Variants in CCNC observed in about 807,000 individuals in gnomAD.
CCNC encodes the protein cyclin C, also known as cyclin-C.
Under a neutral mutation model 50.0 loss-of-function variants are expected in CCNC, and 19 were observed. That is an observed-to-expected ratio of 0.38 (90% confidence interval 0.27 to 0.56). CCNC has a LOEUF of 0.56. Among genes scored for constraint, CCNC ranks in the 20% least tolerant of loss-of-function variants. The pLI, the probability that CCNC is intolerant of heterozygous loss-of-function variation, is 0.72. For synonymous variants in CCNC, 93 were observed against 103.7 expected, an observed-to-expected ratio of 0.90 and a Z score of 0.63; for missense variants, 200 against 327.1, an observed-to-expected ratio of 0.61 and a Z score of 3.00.
chr6:99,545,465 C>T (rs1296178727), intron 10 of CCNC, among the ~76,000 whole-genome samples: 2 of 152,126 alleles, frequency 1.3e-5, no homozygotes, highest in African/African-American at 4.8e-5. Context: ...AGCTGATTTC[C>T]TTCCATCTGA....
chr6:99,550,877 A>G, intron 7 of CCNC, 116 bp downstream of exon 7: 1 of 444,302 alleles, frequency 2.3e-6, no homozygotes, highest in Non-Finnish European at 3.8e-6. Flanking sequence ...TTTCACCATC[A>G]CATATTAGGT....
intron 8 of CCNC, 159 bp from the exon 9 acceptor site, chr6:99,549,734 A>T: frequency 2.0e-6 from 1 of 509,638 alleles, no homozygotes; most frequent in Non-Finnish European, 3.5e-6. Flanking sequence ...AGGCAAAAGG[A>T]TGGATACATG....
intron 9 of CCNC, among the ~76,000 whole-genome samples, 180 bp from the exon 10 acceptor site, chr6:99,546,654 A>G (rs1802083011): frequency 6.6e-6 from 1 of 152,250 alleles, no homozygotes; most frequent in Admixed American, 6.5e-5. Flanking sequence ...AGAAAAAATT[A>G]CTAGATTACA....
chr6:99,543,824 A>G (rs1466944932), intron 11 of CCNC: 6 of 1,375,572 alleles, frequency 4.4e-6, no homozygotes, highest in East Asian at 2.7e-5. Flanking sequence ...GCCCTCACAT[A>G]TAACAAGCAT....
chr6:99,556,121 G>A (rs886401475), intron 5 of CCNC, among the ~76,000 whole-genome samples: 14 of 152,088 alleles, frequency 9.2e-5, no homozygotes, highest in African/African-American at 3.4e-4. Flanking sequence ...ATTTCTCATA[G>A]CACCCTGTGG....
chr6:99,568,777 G>GGGAGGTGCTGACCCTT (rs538118132), upstream of CCNC: 81 of 1,259,104 alleles, frequency 6.4e-5, 1 homozygote, highest in South Asian at 1.1e-3. Context: ...GGAGCCGGAG[G>GGGAGGTGCTGACCCTT]GGAGGTGCTG....
chr6:99,558,992 C>G (rs927256613), intron 4 of CCNC, among the ~76,000 whole-genome samples: 1 of 151,710 alleles, frequency 6.6e-6, no homozygotes, highest in African/African-American at 2.4e-5. Context: ...AATTAGAAAC[C>G]AAGCCTTAAG....
chr6:99,555,284 A>G (rs1802465694), intron 5 of CCNC, among the ~76,000 whole-genome samples: 1 of 152,180 alleles, frequency 6.6e-6, no homozygotes, highest in Non-Finnish European at 1.5e-5. Context: ...TAGTTAGACT[A>G]TTCCTTTCTC....
At chr6:99,558,008 T>A (rs972808618) in intron 5 of CCNC, 1 of 156,180 alleles carries the variant, frequency 6.4e-6, no homozygotes, top group African/African-American at 2.4e-5. Context: ...TTAAGCCACC[T>A]GTTCTGTGGC....
chr6:99,567,803 A>G lies in CCNC; in HGVS notation c.32+693T>C, dbSNP rs574620062. On this transcript the variant is annotated intron_variant, in intron 1 of 11. Transcript: ENST00000520429. ...TTTTTAATATTATTCTAGCTCTCAC[A>G]TGGTCACTGACAGAAACAAGAACTT... 2.0e-5 allele frequency among the ~76,000 whole-genome samples: 3 copies of G among 152,322 alleles called. No individual in the cohort carries two copies. In the East Asian group the frequency reaches 5.8e-4, roughly 29 times the overall value.
chr6:99,564,562 G>A (rs1183374185), intron 1 of CCNC, among the ~76,000 whole-genome samples: 1 of 151,304 alleles, frequency 6.6e-6, no homozygotes, highest in Admixed American at 6.6e-5. Context: ...TGTCTTTATT[G>A]GTCAAATACA....
chr6:99,562,619 C>T, intron 2 of CCNC: 1 of 427,898 alleles, frequency 2.3e-6, no homozygotes, highest in Non-Finnish European at 4.2e-6. Flanking sequence ...GATTAGGTAA[C>T]ACTTTCAAAT....
At chr6:99,547,568 A>G (rs930911675) in intron 9 of CCNC, among the ~76,000 whole-genome samples, 4 of 152,166 alleles carry the variant, frequency 2.6e-5, no homozygotes, top group Non-Finnish European at 5.9e-5. Context: ...GGGTTTCTCA[A>G]TCTTGGCACT....
Position 99,568,541 on chromosome 6 carries a change from C to T in CCNC, c.-14G>A. 3.1e-6 allele frequency: 5 copies of T among 1,611,540 alleles called. No individual in the cohort carries two copies. The highest frequency in any genetic ancestry group is 3.4e-6 in the Non-Finnish European group (4 of 1,178,934). On this transcript the variant is annotated 5_prime_UTR_variant, in exon 1 of 12. Coordinates refer to ENST00000520429, the MANE Select transcript of CCNC (RefSeq NM_005190.4). ...GTTCCCTGCCATGGAACACAGCTTG[C>T]CCTGATAAAAAAGCACCAGCCGGCG...
In CCNC at chr6:99,546,395, CT is replaced by C; in HGVS notation, c.677del (p.Lys226ArgfsTer5). On this transcript the variant is annotated frameshift_variant and splice_region_variant, in exon 10 of 12. Coordinates refer to ENST00000520429, the MANE Select transcript of CCNC (RefSeq NM_005190.4). LOFTEE classifies it high-confidence loss of function. ...WFAELSVDMEKILEIIRVILK... is the reference protein window; with the variant it reads ...WFAELSVDMEXILEIIRVILK... ...AGTTTACATACAACTAAGGGAATAC[CT>C]TTTCCATATCCACAGAAAGCTCAGC... 6.2e-7 allele frequency: 1 copy of C among 1,604,778 alleles called. No homozygotes were observed. The highest frequency in any genetic ancestry group is 8.5e-7 in the Non-Finnish European group (1 of 1,171,714).
chr6:99,556,446 C>T (rs1371207815), intron 5 of CCNC, among the ~76,000 whole-genome samples: 2 of 152,212 alleles, frequency 1.3e-5, no homozygotes, highest in South Asian at 2.1e-4. Context: ...TACCTGCCCT[C>T]TCCTCCAATT....
chr6:99,544,569 C>A (rs1306522029), intron 11 of CCNC, among the ~76,000 whole-genome samples: 1 of 151,328 alleles, frequency 6.6e-6, no homozygotes, highest in African/African-American at 2.4e-5. Flanking sequence ...CCAATAACAA[C>A]AAAAAAAACC....
intron 5 of CCNC, among the ~76,000 whole-genome samples, chr6:99,553,633 G>T (rs1802395076): frequency 6.6e-6 from 1 of 151,548 alleles, no homozygotes. Flanking sequence ...ATACTAATAT[G>T]CTCAAATTTC....
rs1562489259 is a variant in CCNC, at chr6:99,551,028, T to G, written c.403A>C (p.Ile135Leu). 9.0e-7 allele frequency: 1 copy of G among 1,113,394 alleles called. No individual in the cohort carries two copies. Among genetic ancestry groups the G allele is most frequent in the Non-Finnish European group, 1.2e-6 (1 of 804,900 alleles). 69.0% of individuals were successfully genotyped at this position (1,113,394 alleles called of 1,614,324 possible). A position where few individuals can be genotyped will look rare whatever the true frequency, so the allele number is the denominator to read the frequency against. Residue 135 changes from isoleucine to leucine, a missense_variant and splice_region_variant, in exon 7 of 12, where the codon ATA becomes CTA. Transcript: ENST00000520429. The stretch of plus-strand genomic sequence containing the variant: ...AACAGATAGAATTCACATTCTAATA[T>G]CTGTTTAAAACAAAGATTATCAATG... The part of the protein sequence containing the change: ...PKEFPYRMNH[I>L]LECEFYLLEL...
Sources: gnomAD v4.1 joint callset for allele counts (sites outside exome capture counted in the v4.1 genomes callset) on GRCh38, gnomAD v4.1.1 for gene constraint, MANE v1.5 for transcripts, NCBI Gene and HGNC (gene_info 2026-07-23, HGNC 2026-07-21) for gene names.